Variants in INPP5F observed in about 807,000 individuals in gnomAD.
INPP5F encodes the protein phosphatidylinositide 4-phosphatase SAC2.
INPP5F carries 97 observed loss-of-function variants against 137.2 expected under a neutral mutation model. That is an observed-to-expected ratio of 0.71 (90% CI 0.60 to 0.84). INPP5F has a LOEUF of 0.84. Ranked by LOEUF, INPP5F falls within the 40% of genes least tolerant of loss-of-function variation. The probability of loss-of-function intolerance (pLI) is 0.00; values close to 1 mark genes in which losing one functional copy is unlikely to be tolerated. For synonymous variants in INPP5F, 504 were observed against 476.9 expected (o/e 1.06, Z -0.74); for missense variants, 1,271 against 1,371.9 (o/e 0.93, Z 1.16).
intron 1 of INPP5F, among the ~76,000 whole-genome samples, chr10:119,740,690 C>T (rs1471659066): frequency 1.3e-5 from 2 of 152,072 alleles, no homozygotes; most frequent in Admixed American, 6.5e-5. Context: ...TTACAGGCAC[C>T]TGCCACCACA....
At chr10:119,785,294 T>TG (rs1457474985) in intron 3 of INPP5F, among the ~76,000 whole-genome samples, 4 of 144,516 alleles carry the variant, frequency 2.8e-5, no homozygotes, top group African/African-American at 1.0e-4. Flanking sequence ...CTGTTTTTTT[T>TG]TTTTTTTTGG....
At chr10:119,734,368 TTA>T (rs1848165527) in intron 1 of INPP5F, among the ~76,000 whole-genome samples, 1 of 152,246 alleles carries the variant, frequency 6.6e-6, no homozygotes, top group East Asian at 1.9e-4. Context: ...GGGTGATGCA[TTA>T]TGAATGCATT....
Position 119,820,902 on chromosome 10 carries a change from C to T in INPP5F, c.1943C>T (p.Ala648Val). The T allele has an allele frequency of 6.2e-7, 1 of 1,607,498 alleles. No individual in the cohort carries two copies. The highest frequency in any genetic ancestry group is 8.5e-7 in the Non-Finnish European group (1 of 1,174,028). ...GTGCTGTTACTGCTTTCTAACTCTG[C>T]CTACTACGTGGCCTAGTAAGTTGCT... ...VDVLLLLSNS[A>V]YYVAYYDDEV... The change falls in exon 16 of 20, where the codon GCC becomes GTC. Residue 648 changes from alanine (A) to valine (V), a missense_variant. Ala to Val is a moderately conservative substitution (Grantham distance 64). Transcript: ENST00000650623.
Position 119,791,627 on chromosome 10 carries a change from T to C in INPP5F, c.426T>C (p.Ser142=). 1 of 1,603,812 alleles carries C rather than the reference T, an allele frequency of 6.2e-7. No individual in the cohort carries two copies. Among genetic ancestry groups the C allele is most frequent in the South Asian group, 1.1e-5 (1 of 90,788 alleles). ...KTFTHIKSNV[S]APNKKKVKES... ...TTACGCATATTAAATCCAATGTGTC[T>C]GCTCCTAATAAAAAGAAAGTAAGAG... is the stretch of plus-strand genomic sequence containing the variant. Residue 142 remains serine (S), a synonymous_variant, in exon 4 of 20, where the codon TCT becomes TCC. Coordinates refer to ENST00000650623, the MANE Select transcript of INPP5F (RefSeq NM_014937.4).
At chr10:119,821,036 C>A in intron 16 of INPP5F, 119 bp downstream of exon 16, 1 of 670,122 alleles carries the variant, frequency 1.5e-6, no homozygotes, top group Non-Finnish European at 2.7e-6. Flanking sequence ...TTTTATGAAA[C>A]TTCATTGAAC....
chr10:119,822,698 C>CA (rs1564855640), intron 17 of INPP5F, among the ~76,000 whole-genome samples, 194 bp downstream of exon 17: 1 of 152,156 alleles, frequency 6.6e-6, no homozygotes, highest in Non-Finnish European at 1.5e-5. Flanking sequence ...GCAGAAATGT[C>CA]GGCTCTTCTT....
intron 3 of INPP5F, among the ~76,000 whole-genome samples, chr10:119,790,150 G>C (rs1850086502): frequency 6.6e-6 from 1 of 151,996 alleles, no homozygotes; most frequent in African/African-American, 2.4e-5. Flanking sequence ...GGCTGAGGAA[G>C]AGGAGTCGCT....
chr10:119,779,530 C>T (rs2134175212), intron 2 of INPP5F, among the ~76,000 whole-genome samples: 1 of 152,114 alleles, frequency 6.6e-6, no homozygotes, highest in East Asian at 1.9e-4. Context: ...AGCGATCCTC[C>T]TACCTCAGCC....
intron 2 of INPP5F, among the ~76,000 whole-genome samples, chr10:119,762,903 CTT>C (rs924865882): frequency 6.6e-6 from 1 of 152,168 alleles, no homozygotes; most frequent in African/African-American, 2.4e-5. Context: ...TTCTTAAACT[CTT>C]AACTCATTCC....
intron 2 of INPP5F, among the ~76,000 whole-genome samples, chr10:119,765,488 C>T (rs1165307997): frequency 2.0e-5 from 3 of 151,752 alleles, no homozygotes; most frequent in Admixed American, 2.0e-4. Flanking sequence ...TCTCATGCTT[C>T]AGCCTCTTGA....
intron 2 of INPP5F, among the ~76,000 whole-genome samples, chr10:119,774,501 T>C (rs949345342): frequency 6.6e-6 from 1 of 151,834 alleles, no homozygotes. Flanking sequence ...TTTTGTTTTT[T>C]TTTTTCTTTC....
At chr10:119,738,084 A>G (rs894887857) in intron 1 of INPP5F, among the ~76,000 whole-genome samples, 4 of 152,222 alleles carry the variant, frequency 2.6e-5, no homozygotes, top group African/African-American at 9.6e-5. Flanking sequence ...AGAGGAGGGC[A>G]TATGAAAATA....
intron 6 of INPP5F, among the ~76,000 whole-genome samples, chr10:119,792,589 T>C (rs866820060): frequency 1.3e-5 from 2 of 150,792 alleles, no homozygotes. Context: ...TTTTTTTTTT[T>C]AACCTTCGCC....
intron 13 of INPP5F, 97 bp downstream of exon 13, chr10:119,808,157 G>A (rs1850873649): frequency 2.8e-6 from 4 of 1,419,026 alleles, no homozygotes; most frequent in African/African-American, 1.4e-5. Context: ...CCAGATTGCA[G>A]ATGTGTGTAG....
intron 2 of INPP5F, among the ~76,000 whole-genome samples, chr10:119,775,052 T>G (rs1053600595): frequency 3.3e-5 from 5 of 152,190 alleles, no homozygotes; most frequent in African/African-American, 1.2e-4. Flanking sequence ...CTACACGTCA[T>G]AATCTAAGTT....
chr10:119,778,112 T>C (rs186390310), intron 2 of INPP5F, among the ~76,000 whole-genome samples: 3 of 152,210 alleles, frequency 2.0e-5, no homozygotes, highest in Non-Finnish European at 4.4e-5. Context: ...GTTCAAGCAA[T>C]TCTCATGCCT....
chr10:119,728,687 G>A (rs1427624935), intron 1 of INPP5F, among the ~76,000 whole-genome samples: 1 of 152,202 alleles, frequency 6.6e-6, no homozygotes, highest in African/African-American at 2.4e-5. Context: ...AGAAGGATAA[G>A]TAATGATGAT....
chr10:119,771,889 T>TCA (rs1564820119), intron 2 of INPP5F, among the ~76,000 whole-genome samples: 3 of 43,154 alleles, frequency 7.0e-5, no homozygotes, highest in Non-Finnish European at 9.3e-5. Context: ...TATATTTTTT[T>TCA]TTTTTTTTTT....
intron 3 of INPP5F, among the ~76,000 whole-genome samples, chr10:119,785,288 T>TTTTTG (rs2134188883): frequency 7.2e-6 from 1 of 138,126 alleles, no homozygotes; most frequent in Non-Finnish European, 1.6e-5. Flanking sequence ...GCCAGACTGT[T>TTTTTG]TTTTTTTTTT....
Sources: allele counts gnomAD v4.1 joint callset (sites outside exome capture counted in the v4.1 genomes callset), GRCh38; gene constraint gnomAD v4.1.1; transcripts MANE v1.5; gene names NCBI Gene and HGNC (gene_info 2026-07-23, HGNC 2026-07-21).